ERMP1: variants seen among roughly 807,000 people sequenced by gnomAD.
The protein encoded by ERMP1 is endoplasmic reticulum metallopeptidase 1.
ERMP1 carries 86 observed loss-of-function variants against 92.0 expected under a neutral mutation model. The observed-to-expected ratio is 0.93, with a 90% CI of 0.79 to 1.12. ERMP1 has a LOEUF of 1.12. Ranked by LOEUF, ERMP1 falls within the 50% of genes most tolerant of loss-of-function variation. The pLI is 0.00. For synonymous variants in ERMP1, 530 were observed against 412.8 expected (o/e 1.28, Z -3.44); for missense variants, 1,342 against 1,116.3 (o/e 1.20, Z -2.88).
chr9:5,864,086 C>G (rs1474590042), intron 5 of ERMP1, among the ~76,000 whole-genome samples: 1 of 152,164 alleles, frequency 6.6e-6, no homozygotes. Flanking sequence ...AAACTGCCCT[C>G]CAGAATTGCA....
chr9:5,825,220 C>A lies in ERMP1; in HGVS notation c.641-1G>T. The A allele has an allele frequency of 6.2e-7, 1 of 1,605,516 alleles. No homozygotes were observed. Among genetic ancestry groups the A allele is most frequent in the Non-Finnish European group, 8.5e-7 (1 of 1,177,828 alleles). On this transcript the variant is annotated splice_acceptor_variant, in intron 2 of 14. Transcript: ENST00000339450. LOFTEE classifies it high-confidence loss of function. ...CAGCTAACTGCATCATCACTGGCAC[C>A]TTCAAATCAGAAAAACAAATTTGCT...
chr9:5,850,955 A>G (rs1353283793), intron 6 of ERMP1, among the ~76,000 whole-genome samples: 1 of 152,238 alleles, frequency 6.6e-6, no homozygotes, highest in Non-Finnish European at 1.5e-5. Flanking sequence ...AGCTTTGATC[A>G]GTTACCTCAC....
intron 6 of ERMP1, among the ~76,000 whole-genome samples, chr9:5,839,731 T>C (rs1292488615): frequency 6.6e-6 from 1 of 152,108 alleles, no homozygotes; most frequent in Non-Finnish European, 1.5e-5. Context: ...TGCATGACCT[T>C]CTTCAGGTCT....
At chr9:5,855,455 C>A (rs1830362490) in intron 6 of ERMP1, among the ~76,000 whole-genome samples, 1 of 152,172 alleles carries the variant, frequency 6.6e-6, no homozygotes, top group Non-Finnish European at 1.5e-5. Flanking sequence ...ATGAGGAGAA[C>A]CAAAGACCAC....
chr9:5,806,163 G>A (rs1202567637), intron 8 of ERMP1, among the ~76,000 whole-genome samples: 1 of 152,142 alleles, frequency 6.6e-6, no homozygotes, highest in South Asian at 2.1e-4. Context: ...CTAGAGAAAT[G>A]ACCTGTGAAG....
At chr9:5,817,420 C>A (rs987721403) in intron 4 of ERMP1, among the ~76,000 whole-genome samples, 33 of 151,896 alleles carry the variant, frequency 2.2e-4, no homozygotes, top group African/African-American at 7.7e-4. Flanking sequence ...GAACTCCTGA[C>A]CTCAGGTGAT....
chr9:5,861,199 G>GTGTGTGTGTGTA lies in ERMP1; in HGVS notation n.3056-1589_3056-1588insTACACACACACA, dbSNP rs1554630231. On this transcript the variant is annotated intron_variant and non_coding_transcript_variant, in intron 5 of 6. Transcript: ENST00000690753. ...TGTGTGTGTGTGTGTGTGTGTGTGTGTGTGTGTGTGTGTGTGTGTGTAAAA... is the reference window on the plus strand; with the variant it reads ...TGTGTGTGTGTGTGTGTGTGTGTGTGTGTGTGTGTGTATGTGTGTGTGTGTGTGTGTGTAAAA... 3.8e-3 allele frequency among the ~76,000 whole-genome samples: 559 copies of GTGTGTGTGTGTA among 146,642 alleles called. 4 individuals carry two copies. Among genetic ancestry groups the GTGTGTGTGTGTA allele is most frequent in the African/African-American group, 0.013 (515 of 38,346 alleles).
intron 8 of ERMP1, among the ~76,000 whole-genome samples, chr9:5,807,443 A>G (rs1412715766): frequency 6.6e-6 from 1 of 152,130 alleles, no homozygotes. Context: ...ATTTTAACAC[A>G]TGCTTCAAAA....
At chr9:5,793,110 G>C (rs920874803) in intron 13 of ERMP1, among the ~76,000 whole-genome samples, 1 of 152,088 alleles carries the variant, frequency 6.6e-6, no homozygotes, top group Non-Finnish European at 1.5e-5. Context: ...GTATAAGAGA[G>C]ATAAATGCTA....
intron 6 of ERMP1, among the ~76,000 whole-genome samples, chr9:5,840,016 C>A (rs1011141606): frequency 1.3e-5 from 2 of 152,072 alleles, no homozygotes; most frequent in Non-Finnish European, 2.9e-5. Context: ...CTGAGGTGGG[C>A]GAATCACTTG....
At position 5,805,101 on chromosome 9, in the gene ERMP1, C is replaced by T. The variant is rs1828819946; in HGVS notation, c.1840G>A (p.Gly614Ser). 3.1e-6 allele frequency: 5 copies of T among 1,613,668 alleles called. No homozygotes were observed. Among genetic ancestry groups the T allele is most frequent in the Non-Finnish European group, 4.2e-6 (5 of 1,179,920 alleles). Residue 614 changes from glycine (G) to serine (S), a missense_variant, in exon 10 of 15, where the codon GGT (glycine) becomes AGT (serine). Transcript: ENST00000339450. The part of the protein sequence containing the change: ...EMFTPILGRS[G>S]SEIPPDVVLA... ...ACAACATCAGGTGGGATTTCAGAACCACTTCTCCCGAGGATAGGGGTAAAC... is the reference window on the plus strand; with the variant it reads ...ACAACATCAGGTGGGATTTCAGAACTACTTCTCCCGAGGATAGGGGTAAAC...
At chr9:5,820,349 G>T (rs559136287) in intron 4 of ERMP1, among the ~76,000 whole-genome samples, 1 of 152,172 alleles carries the variant, frequency 6.6e-6, no homozygotes, top group African/African-American at 2.4e-5. Flanking sequence ...TTCTATTTTT[G>T]CCAAGAAATA....
chr9:5,863,812 A>T (rs1346247693), intron 5 of ERMP1, among the ~76,000 whole-genome samples: 1 of 152,222 alleles, frequency 6.6e-6, no homozygotes, highest in African/African-American at 2.4e-5. Context: ...AAATGGGAAC[A>T]TTCTATTTTA....
In ERMP1 at chr9:5,823,877, A is replaced by G; in HGVS notation, c.874+19T>C. The G allele has an allele frequency of 6.6e-7, 1 of 1,513,560 alleles. No homozygotes were observed. The highest frequency in any genetic ancestry group is 9.1e-7 in the Non-Finnish European group (1 of 1,096,582). The allele number at this position is 1,513,560 out of a possible 1,614,324, so 93.8% of individuals were successfully genotyped here. A position where few individuals can be genotyped will look rare whatever the true frequency, so the allele number is the denominator to read the frequency against. On this transcript the variant is annotated intron_variant, in intron 4 of 14. Coordinates refer to ENST00000339450, the MANE Select transcript of ERMP1 (RefSeq NM_024896.3). ...AAACTAGAATTGCATTAAAATATAC[A>G]ACGCACAATCTCACATACCTGTTTG...
intron 8 of ERMP1, among the ~76,000 whole-genome samples, chr9:5,809,805 G>A (rs932299139): frequency 1.2e-4 from 19 of 152,100 alleles, no homozygotes; most frequent in African/African-American, 4.3e-4. Context: ...TTAACAGCCC[G>A]GCTTTATAAC....
rs1471997068 is a variant in ERMP1 at position 5,830,927 on chromosome 9, A to G, written c.440T>C (p.Ile147Thr). 3 of 1,613,958 alleles carry G rather than the reference A, an allele frequency of 1.9e-6. No homozygotes were observed. The African/African-American group carries it at 4.0e-5, about 22-fold the overall frequency. Residue 147 changes from isoleucine (I) to threonine (T), a missense_variant, in exon 2 of 15, where the codon ATT (isoleucine) becomes ACT (threonine). By Grantham distance (89) the Ile-to-Thr change is moderately conservative. Coordinates refer to ENST00000339450, the MANE Select transcript of ERMP1 (RefSeq NM_024896.3). Reference protein sequence around the residue: ...VHYLLEQIKLIEVQSNSLHKI... With the variant: ...VHYLLEQIKLTEVQSNSLHKI... ...ATGAAGGCTGTTGCTTTGCACTTCA[A>G]TCAGTTTAATCTGTTCCAAAAGGTA...
intron 1 of ERMP1, chr9:5,832,487 G>A (rs1401808641): frequency 6.3e-6 from 3 of 475,352 alleles, no homozygotes; most frequent in East Asian, 3.6e-5. Flanking sequence ...GAGCTTAACC[G>A]GGGACAGGCA....
intron 6 of ERMP1, among the ~76,000 whole-genome samples, chr9:5,858,394 A>G (rs955714766): frequency 6.6e-6 from 1 of 152,218 alleles, no homozygotes; most frequent in African/African-American, 2.4e-5. Flanking sequence ...GAGGACAAGC[A>G]AGACTTGGGC....
intron 6 of ERMP1, among the ~76,000 whole-genome samples, chr9:5,854,730 T>C (rs1242455707): frequency 6.6e-6 from 1 of 152,196 alleles, no homozygotes; most frequent in Non-Finnish European, 1.5e-5. Flanking sequence ...TTTTGCCATG[T>C]TGCCCAGGCT....
Sources: allele counts gnomAD v4.1 joint callset (sites outside exome capture counted in the v4.1 genomes callset), GRCh38; gene constraint gnomAD v4.1.1; transcripts MANE v1.5; gene names NCBI Gene and HGNC (gene_info 2026-07-23, HGNC 2026-07-21).